Variants in NWD2 observed in about 807,000 individuals in gnomAD.
NWD2 encodes the protein NACHT and WD repeat domain containing 2, also known as NACHT and WD repeat domain-containing protein 2.
In NWD2, 37 loss-of-function variants were observed where a neutral mutation model predicts 132.7. That is an observed-to-expected ratio of 0.28 (90% CI 0.21 to 0.37). The LOEUF (loss-of-function observed/expected upper bound fraction) is 0.37, where lower values mean the gene tolerates loss of function less well. Ranked by LOEUF, NWD2 falls within the 10% of genes least tolerant of loss-of-function variation. The pLI, the probability that NWD2 is intolerant of heterozygous loss-of-function variation, is 1.00. For missense variants in NWD2, 1,592 were observed against 2,122.4 expected (o/e 0.75, Z 4.91); for synonymous variants, 705 against 803.0 (o/e 0.88, Z 2.06).
chr4:37,290,259 A>G (rs1258701437), intron 1 of NWD2, among the ~76,000 whole-genome samples: 1 of 152,212 alleles, frequency 6.6e-6, no homozygotes. Context: ...CAGAAGCACC[A>G]GTAAGGGAGA....
intron 3 of NWD2, among the ~76,000 whole-genome samples, chr4:37,374,658 G>A (rs1720306512): frequency 6.6e-6 from 1 of 152,136 alleles, no homozygotes; most frequent in South Asian, 2.1e-4. Context: ...GAAAAGTCTG[G>A]ACAAATGATT....
intron 1 of NWD2, among the ~76,000 whole-genome samples, chr4:37,259,137 ATGCAC>A (rs1384089055): frequency 2.6e-5 from 4 of 152,224 alleles, no homozygotes; most frequent in Non-Finnish European, 4.4e-5. Flanking sequence ...AATCTAGATT[ATGCAC>A]TGCCCAGTGT....
At chr4:37,276,469 T>C (rs1046241416) in intron 1 of NWD2, among the ~76,000 whole-genome samples, 1 of 152,108 alleles carries the variant, frequency 6.6e-6, no homozygotes, top group East Asian at 1.9e-4. Flanking sequence ...TGTGGAGAAA[T>C]AGGAACACTT....
chr4:37,276,682 CA>C (rs1718022420), intron 1 of NWD2, among the ~76,000 whole-genome samples: 1 of 152,096 alleles, frequency 6.6e-6, no homozygotes, highest in African/African-American at 2.4e-5. Flanking sequence ...AAGACACATG[CA>C]CACGTATGTT....
At position 37,443,432 on chromosome 4, in the gene NWD2, G is replaced by C; in HGVS notation, c.1444G>C (p.Val482Leu). The C allele has an allele frequency of 6.4e-7, 1 of 1,552,202 alleles. No homozygotes were observed. The highest frequency in any genetic ancestry group is 8.7e-7 in the Non-Finnish European group (1 of 1,147,106). ...ATTGGCAGTTAACTACCGGTGTCTG[G>C]TTCAAAGCTACCCTAAGAAGATCCA... ...EQLAVNYRCL[V>L]QSYPKKIHDL... The change falls in exon 7 of 7, where the codon GTT becomes CTT. Residue 482 changes from valine (V) to leucine (L), a missense_variant. Val to Leu is a conservative substitution (Grantham distance 32, BLOSUM62 1). Around this residue, in one of 7 missense-constraint regions of NWD2, gnomAD observed 1,071 missense variants for 1,398.0 expected, o/e 0.77. Coordinates refer to ENST00000309447, the MANE Select transcript of NWD2 (RefSeq NM_001144990.2). This position sits in a 1 kb window ranked among gnomAD's most constrained non-coding sequence, Gnocchi z 4.1.
At chr4:37,291,190 C>T (rs1718352635) in intron 1 of NWD2, among the ~76,000 whole-genome samples, 1 of 152,024 alleles carries the variant, frequency 6.6e-6, no homozygotes, top group Non-Finnish European at 1.5e-5. Flanking sequence ...AACTTCTTAC[C>T]TTTGTACCTC....
Position 37,443,772 on chromosome 4 carries a change from G to A in NWD2, c.1784G>A (p.Gly595Asp). 6 of 1,551,930 alleles carry A rather than the reference G, an allele frequency of 3.9e-6. No individual in the cohort carries two copies. The highest frequency in any genetic ancestry group is 1.2e-5 in the South Asian group (1 of 84,042). Reference sequence around the variant, plus strand: ...CGCGTCAAAAGGAAGGTCACATCAGGCCAGCAGATTTATGTGAACAATGCA... The same window carrying A: ...CGCGTCAAAAGGAAGGTCACATCAGACCAGCAGATTTATGTGAACAATGCA... ...LLRVKRKVTSGQQIYVNNALS... is the reference protein window; with the variant it reads ...LLRVKRKVTSDQQIYVNNALS... The change falls in exon 7 of 7, where the codon GGC becomes GAC. Residue 595 changes from glycine to aspartate, a missense_variant. By Grantham distance (94) the Gly-to-Asp change is moderately conservative. This residue lies in a region of NWD2 where 1,071 missense variants were observed against 1,398.0 expected (regional missense o/e 0.77). Transcript: ENST00000309447. The surrounding 1 kb of genome is among the most constrained non-coding windows in gnomAD (Gnocchi z 4.1).
At chr4:37,327,335 A>T (rs985971348) in intron 2 of NWD2, among the ~76,000 whole-genome samples, 2 of 152,194 alleles carry the variant, frequency 1.3e-5, no homozygotes, top group African/African-American at 4.8e-5. Context: ...GAAAAAAAGT[A>T]TACTTTCTGA....
rs1419025254 is a variant in NWD2 at position 37,245,229 on chromosome 4, C to T, written c.151+11C>T. 1.3e-6 allele frequency: 2 copies of T among 1,530,414 alleles called. No individual in the cohort carries two copies. The highest frequency in any genetic ancestry group is 1.4e-5 in the African/African-American group (1 of 72,260). 94.8% of individuals were successfully genotyped at this position (1,530,414 alleles called of 1,614,324 possible). On this transcript the variant is annotated intron_variant, in intron 1 of 6. Coordinates refer to ENST00000309447, the MANE Select transcript of NWD2 (RefSeq NM_001144990.2). ...GCGCCAACCCTGAAGGTACGTCCCT[C>T]GCTCGGGTTTGCCCGTCCGTCCTTC...
At chr4:37,266,274 T>C (rs923265123) in intron 1 of NWD2, among the ~76,000 whole-genome samples, 1 of 152,092 alleles carries the variant, frequency 6.6e-6, no homozygotes, top group Non-Finnish European at 1.5e-5. Context: ...ACTCAAGTAA[T>C]TGAATTGTTT....
At chr4:37,315,820 TTTTC>T (rs1157161597) in intron 1 of NWD2, among the ~76,000 whole-genome samples, 1 of 152,026 alleles carries the variant, frequency 6.6e-6, no homozygotes, top group Non-Finnish European at 1.5e-5. Context: ...TTTAATTATG[TTTTC>T]TTTATTTTTC....
At chr4:37,252,855 T>C (rs1311720197) in intron 1 of NWD2, among the ~76,000 whole-genome samples, 1 of 152,210 alleles carries the variant, frequency 6.6e-6, no homozygotes, top group East Asian at 1.9e-4. Flanking sequence ...AATGTTTATT[T>C]TGCTGCATTC....
chr4:37,403,043 G>T (rs577488058), intron 3 of NWD2, among the ~76,000 whole-genome samples: 22 of 152,202 alleles, frequency 1.4e-4, no homozygotes, highest in African/African-American at 5.1e-4. Flanking sequence ...TAATCTTTTT[G>T]TGGAGTCACC....
At chr4:37,406,690 G>C (rs115194301) in intron 3 of NWD2, among the ~76,000 whole-genome samples, 1 of 152,140 alleles carries the variant, frequency 6.6e-6, no homozygotes, top group Non-Finnish European at 1.5e-5. Flanking sequence ...CTGAGGTCAC[G>C]AGTTTGAGAC....
chr4:37,272,859 C>A (rs527492654), intron 1 of NWD2, among the ~76,000 whole-genome samples: 28 of 151,840 alleles, frequency 1.8e-4, no homozygotes, highest in Non-Finnish European at 3.1e-4. Flanking sequence ...GTGTAAACCA[C>A]CTTTCTGATG....
chr4:37,304,890 C>T (rs1718677162), intron 1 of NWD2, among the ~76,000 whole-genome samples: 1 of 152,204 alleles, frequency 6.6e-6, no homozygotes, highest in African/African-American at 2.4e-5. Flanking sequence ...CTAGGCAGTG[C>T]CCCGGCACGG....
intron 1 of NWD2, among the ~76,000 whole-genome samples, chr4:37,271,988 T>A (rs1185410081): frequency 6.6e-6 from 1 of 151,786 alleles, no homozygotes; most frequent in African/African-American, 2.4e-5. Flanking sequence ...ATATTCCTGA[T>A]TTTTTGAGGA....
intron 1 of NWD2, among the ~76,000 whole-genome samples, chr4:37,322,966 A>T (rs1719098590): frequency 2.0e-5 from 3 of 152,134 alleles, no homozygotes; most frequent in Admixed American, 2.0e-4. Context: ...TTCTTTTCAC[A>T]GTTGTGTATT....
At chr4:37,417,349 G>A (rs1711648606) in intron 3 of NWD2, among the ~76,000 whole-genome samples, 1 of 146,616 alleles carries the variant, frequency 6.8e-6, no homozygotes, top group African/African-American at 2.7e-5. Flanking sequence ...TAGAGCCATT[G>A]CAAAAAAAAT....
Sources: gnomAD v4.1 joint callset for allele counts (sites outside exome capture counted in the v4.1 genomes callset) on GRCh38, gnomAD v4.1.1 for gene constraint, gnomAD v4.1.1 regional missense constraint, Gnocchi (gnomAD v3.1) non-coding constraint, MANE v1.5 for transcripts, NCBI Gene and HGNC (gene_info 2026-07-23, HGNC 2026-07-21) for gene names.